Variants in TTC34 observed in about 807,000 individuals in gnomAD.
TTC34 encodes tetratricopeptide repeat domain 34.
TTC34 carries 44 observed loss-of-function variants against 40.7 expected under a neutral mutation model. The observed-to-expected ratio is 1.08, with a 90% CI of 0.85 to 1.39. The LOEUF (loss-of-function observed/expected upper bound fraction) is 1.39, where lower values mean the gene tolerates loss of function less well. TTC34 is among the 40% of genes most tolerant of loss of function. The pLI is 0.00. For synonymous variants in TTC34, 422 were observed against 398.6 expected (o/e 1.06, Z -0.70); for missense variants, 884 against 838.0 (o/e 1.05, Z -0.68).
intron 6 of TTC34, among the ~76,000 whole-genome samples, chr1:2,653,328 C>G (rs60677750): frequency 1.3e-4 from 3 of 23,154 alleles, no homozygotes; most frequent in Admixed American, 4.8e-4. Flanking sequence ...GCACACACAC[C>G]CCCAGGTGAG....
chr1:2,645,948 G>C lies in TTC34; in HGVS notation c.2227-385C>G, dbSNP rs1639013123. Among the ~76,000 whole-genome samples, 1 of 152,120 alleles carries C rather than the reference G, an allele frequency of 6.6e-6. No individual in the cohort carries two copies. ...CCCTCCACGCCTGTCCCTCCCCACA[G>C]GGGCATCTGTCACCTCACAGTGGGG... On this transcript the variant is annotated intron_variant, in intron 6 of 8. Transcript: ENST00000401095. The surrounding 1 kb of genome is among the most constrained non-coding windows in gnomAD (Gnocchi z 4.7).
chr1:2,688,307 C>T (rs1569571463), intron 6 of TTC34, among the ~76,000 whole-genome samples: 3 of 109,928 alleles, frequency 2.7e-5, no homozygotes, highest in Admixed American at 1.0e-4. Flanking sequence ...GAGCATCTGA[C>T]AGCCTGGAGC....
At chr1:2,680,713 G>A (rs1372062710) in intron 6 of TTC34, among the ~76,000 whole-genome samples, 1 of 33,432 alleles carries the variant, frequency 3.0e-5, no homozygotes, top group Admixed American at 3.3e-4. Context: ...CCCCAGGTGA[G>A]CATCCGACAG....
At chr1:2,639,887 G>C (rs974374546) in exon 9 of TTC34, 2 of 152,684 alleles carry the variant, frequency 1.3e-5, no homozygotes, top group East Asian at 3.9e-4. Flanking sequence ...TGGGGGTTGA[G>C]GAGTGGGTGA....
chr1:2,677,825 T>C (rs1639972780), intron 6 of TTC34, among the ~76,000 whole-genome samples: 1 of 37,380 alleles, frequency 2.7e-5, no homozygotes, highest in African/African-American at 1.5e-4. Flanking sequence ...CAGTTGCGCA[T>C]CTGATGGTCT....
intron 6 of TTC34, among the ~76,000 whole-genome samples, chr1:2,688,337 TGAGCATCGGACAGCCTGGAGCAG>T (rs1640466937): frequency 4.7e-5 from 6 of 126,800 alleles, no homozygotes; most frequent in Admixed American, 1.7e-4. Flanking sequence ...CACCCCCAGG[TGAGCATCGGACAGCCTGGAGCAG>T]CACCCACACG....
At chr1:2,688,332 C>G (rs1487346500) in intron 6 of TTC34, among the ~76,000 whole-genome samples, 3 of 140,920 alleles carry the variant, frequency 2.1e-5, no homozygotes, top group East Asian at 2.0e-4. Context: ...CCCCACACCC[C>G]CAGGTGAGCA....
intron 6 of TTC34, among the ~76,000 whole-genome samples, chr1:2,652,508 TGCAACAGCACCCACACCTCCAGGCGAGC>T (rs1639180292): frequency 7.2e-6 from 1 of 139,608 alleles, no homozygotes; most frequent in Admixed American, 7.3e-5. Flanking sequence ...TCTGACGGCC[TGCAACAGCACCCACACCTCCAGGCGAGC>T]ATTGGAAAGC....
intron 6 of TTC34, among the ~76,000 whole-genome samples, chr1:2,687,171 G>T (rs1353095357): frequency 7.2e-6 from 1 of 138,316 alleles, no homozygotes; most frequent in Non-Finnish European, 1.5e-5. Context: ...ACACACACAG[G>T]CGAGCATCTG....
At chr1:2,762,205 C>G (rs1258743429) in intron 6 of TTC34, among the ~76,000 whole-genome samples, 5 of 67,048 alleles carry the variant, frequency 7.5e-5, no homozygotes, top group Non-Finnish European at 1.4e-4. Context: ...GGAGCAGCGC[C>G]CACACCCCCG....
chr1:2,652,286 C>A (rs796740585), intron 6 of TTC34, among the ~76,000 whole-genome samples: 1 of 94,002 alleles, frequency 1.1e-5, no homozygotes, highest in Admixed American at 1.1e-4. Flanking sequence ...GCACCCACAC[C>A]CCCAGGTGAG....
Position 2,698,324 on chromosome 1 carries a change from AC to A in TTC34, c.2227-52762del, listed in dbSNP as rs1480456293. On this transcript the variant is annotated intron_variant, in intron 6 of 8. Coordinates refer to ENST00000401095, the Ensembl canonical transcript of TTC34. ...CGTGACAGCCTGGAACAGCACCCACACCCCCAGGCGAGCATCTGACGTCCTG... is the reference window on the plus strand; with the variant it reads ...CGTGACAGCCTGGAACAGCACCCACACCCCAGGCGAGCATCTGACGTCCTG... Among the ~76,000 whole-genome samples the A allele has an allele frequency of 3.1e-5, 2 of 63,874 alleles. 1 individual carries two copies. Among genetic ancestry groups the A allele is most frequent in the Non-Finnish European group, 8.1e-5 (2 of 24,748 alleles). 41.9% of individuals were successfully genotyped at this position (63,874 alleles called of 152,430 possible).
At chr1:2,658,672 G>A (rs1570768729) in intron 6 of TTC34, among the ~76,000 whole-genome samples, 3 of 89,274 alleles carry the variant, frequency 3.4e-5, no homozygotes, top group South Asian at 6.8e-4. Flanking sequence ...GCACCCCCAG[G>A]TGAGCATCTG....
chr1:2,797,265 A>G (rs1557694603), intron 2 of TTC34, among the ~76,000 whole-genome samples: 1 of 151,596 alleles, frequency 6.6e-6, no homozygotes, highest in African/African-American at 2.4e-5. Flanking sequence ...ACGGCAGCTA[A>G]TACTGCCATC....
chr1:2,758,516 C>T (rs1641579482), intron 6 of TTC34, among the ~76,000 whole-genome samples: 2 of 85,420 alleles, frequency 2.3e-5, no homozygotes, highest in Non-Finnish European at 4.3e-5. Flanking sequence ...CGCACCCACA[C>T]CCCCAGGTGA....
At position 2,785,854 on chromosome 1, in the gene TTC34, G is replaced by T. The variant is rs537586514; in HGVS notation, c.2024C>A (p.Ala675Asp). Residue 675 changes from alanine (A) to aspartate (D), a missense_variant, in exon 5 of 9, where the codon GCC becomes GAC. Ala to Asp is a moderately radical substitution (Grantham distance 126, BLOSUM62 -2). Coordinates refer to ENST00000401095, the Ensembl canonical transcript of TTC34. ...GATGGCCAGAGACAGGTAGGCGATG[G>T]CCTCCTTGGTGTGAACCCTGCCGTC... The T allele has an allele frequency of 8.4e-6, 13 of 1,544,924 alleles. No homozygotes were observed. In the Admixed American group the frequency reaches 9.9e-5, roughly 12 times the overall value.
chr1:2,652,760 C>T (rs1639193534), intron 6 of TTC34, among the ~76,000 whole-genome samples: 1 of 152,150 alleles, frequency 6.6e-6, no homozygotes, highest in African/African-American at 2.4e-5. Flanking sequence ...GGAACAGCAC[C>T]CTGCACCCCC....
chr1:2,798,868 A>G (rs1482515070), intron 2 of TTC34, among the ~76,000 whole-genome samples: 2 of 113,398 alleles, frequency 1.8e-5, no homozygotes, highest in East Asian at 2.7e-4. Flanking sequence ...CCAGCCTCTC[A>G]GCCTCCAAGC....
chr1:2,685,891 CATCTGACAGCCTGGAACA>C (rs1640315631), intron 6 of TTC34, among the ~76,000 whole-genome samples: 303 of 122,048 alleles, frequency 2.5e-3, no homozygotes, highest in African/African-American at 8.1e-3. Context: ...CCCAGGTGAG[CATCTGACAGCCTGGAACA>C]GCACGCACAC....
Sources: allele counts gnomAD v4.1 joint callset (sites outside exome capture counted in the v4.1 genomes callset), GRCh38; gene constraint gnomAD v4.1.1; non-coding constraint Gnocchi (gnomAD v3.1); transcripts MANE v1.5; gene names NCBI Gene and HGNC (gene_info 2026-07-23, HGNC 2026-07-21).